Variants in SPTLC3 observed in about 807,000 individuals in gnomAD.
The protein encoded by SPTLC3 is serine palmitoyltransferase long chain base subunit 3.
SPTLC3 carries 36 observed loss-of-function variants against 59.3 expected under a neutral mutation model. That is an observed-to-expected ratio of 0.61 (90% CI 0.47 to 0.80). The LOEUF (loss-of-function observed/expected upper bound fraction) is 0.80. Ranked by LOEUF, SPTLC3 falls within the 30% of genes least tolerant of loss-of-function variation. The probability of loss-of-function intolerance (pLI) is 0.00; values close to 1 mark genes in which losing one functional copy is unlikely to be tolerated. For missense variants in SPTLC3, 625 were observed against 685.1 expected (o/e 0.91, Z 0.98); for synonymous variants, 257 against 240.8 (o/e 1.07, Z -0.62).
intron 9 of SPTLC3, chr20:13,133,033 T>A (rs1568619731): frequency 6.6e-6 from 1 of 152,462 alleles, no homozygotes; most frequent in Non-Finnish European, 1.5e-5. Context: ...TTAAACTTGA[T>A]CTCTCTGCAT....
chr20:13,034,470 T>C (rs1332847705), intron 1 of SPTLC3, among the ~76,000 whole-genome samples: 2 of 152,198 alleles, frequency 1.3e-5, no homozygotes, highest in Non-Finnish European at 2.9e-5. Flanking sequence ...TGGCCATCTC[T>C]AGGGAGCAGA....
chr20:13,017,208 A>G (rs554476298), intron 1 of SPTLC3, among the ~76,000 whole-genome samples: 1 of 152,336 alleles, frequency 6.6e-6, no homozygotes, highest in African/African-American at 2.4e-5. Context: ...TAAAAATTTT[A>G]GCTTATCACA....
Position 13,072,404 on chromosome 20 carries a change from C to A in SPTLC3, c.452C>A (p.Thr151Lys). ...MERVSDDYNW[T>K]FRFTGRVIKD... is the part of the protein sequence containing the mutation. ...AGGGTATCAGACGACTATAACTGGACGTTTAGGTGAGAGAACTTCTTGGAG... is the reference window on the plus strand; with the variant it reads ...AGGGTATCAGACGACTATAACTGGAAGTTTAGGTGAGAGAACTTCTTGGAG... Residue 151 changes from threonine to lysine, a missense_variant, in exon 3 of 12, where the codon ACG (threonine) becomes AAG (lysine). Transcript: ENST00000399002. 1 of 1,582,080 alleles carries A rather than the reference C, an allele frequency of 6.3e-7. No individual in the cohort carries two copies. The highest frequency in any genetic ancestry group is 1.2e-5 in the South Asian group (1 of 85,446).
chr20:13,064,040 CT>C (rs201810253), intron 2 of SPTLC3, among the ~76,000 whole-genome samples: 7 of 134,090 alleles, frequency 5.2e-5, no homozygotes, highest in Admixed American at 7.5e-5. Context: ...TCTTTTTCTT[CT>C]TTTTTTTTGA....
At chr20:13,045,097 A>G (rs547034440) in intron 1 of SPTLC3, among the ~76,000 whole-genome samples, 161 of 152,030 alleles carry the variant, frequency 1.1e-3, no homozygotes, top group African/African-American at 3.5e-3. Flanking sequence ...TATCTCCTCT[A>G]ATGTTAGCCT....
At chr20:13,098,728 G>T (rs1043428222) in intron 6 of SPTLC3, among the ~76,000 whole-genome samples, 1 of 152,170 alleles carries the variant, frequency 6.6e-6, no homozygotes, top group African/African-American at 2.4e-5. Context: ...AGATGCTGAG[G>T]TAATGGCCTT....
At chr20:13,044,434 G>A (rs1180170769) in intron 1 of SPTLC3, among the ~76,000 whole-genome samples, 2 of 152,058 alleles carry the variant, frequency 1.3e-5, no homozygotes, top group Non-Finnish European at 2.9e-5. Context: ...TATATCCTAG[G>A]TCAATGTATA....
intron 2 of SPTLC3, among the ~76,000 whole-genome samples, chr20:13,068,761 A>AC (rs1555790942): frequency 5.0e-4 from 76 of 151,202 alleles, no homozygotes; most frequent in African/African-American, 1.1e-3. Context: ...AAAAAAAAAA[A>AC]AACAACAACA....
At chr20:13,066,764 C>T (rs1325739305) in intron 2 of SPTLC3, among the ~76,000 whole-genome samples, 1 of 151,862 alleles carries the variant, frequency 6.6e-6, no homozygotes, top group Non-Finnish European at 1.5e-5. Context: ...ACTTTGCCTT[C>T]TTTCCCTCCT....
chr20:13,101,884 G>A (rs533713881), intron 6 of SPTLC3, among the ~76,000 whole-genome samples: 12 of 152,268 alleles, frequency 7.9e-5, no homozygotes, highest in Middle Eastern at 3.4e-3. Flanking sequence ...CAGCGAGACT[G>A]CAGGCAACCT....
chr20:13,009,031 G>A lies in SPTLC3; in HGVS notation c.-237G>A. 2.4e-6 allele frequency: 1 copy of A among 411,282 alleles called. No individual in the cohort carries two copies. The highest frequency in any genetic ancestry group is 4.4e-6 in the Non-Finnish European group (1 of 228,150). The allele number at this position is 411,282 out of a possible 1,614,324, so 25.5% of individuals were successfully genotyped here. On this transcript the variant is annotated 5_prime_UTR_variant, in exon 1 of 12. Transcript: ENST00000399002. ...TTACAGTTTCGGAAGCAGGTTTGTT[G>A]CCATGGAGTTCACATTTTGACGGGA...
intron 9 of SPTLC3, among the ~76,000 whole-genome samples, chr20:13,128,067 A>C (rs991849320): frequency 6.6e-6 from 1 of 152,262 alleles, no homozygotes; most frequent in Non-Finnish European, 1.5e-5. Flanking sequence ...TGAAGTGAGA[A>C]AAACAATATT....
chr20:13,009,451 A>T (rs1600196839), intron 1 of SPTLC3, 67 bp downstream of exon 1: 1 of 1,398,798 alleles, frequency 7.1e-7, no homozygotes, highest in Non-Finnish European at 1.0e-6. Context: ...CTGTGAAGAT[A>T]TTTGAGGCTG....
At chr20:13,045,243 T>G (rs7272520) in intron 1 of SPTLC3, among the ~76,000 whole-genome samples, 18,908 of 152,088 alleles carry the variant, frequency 0.12, 1,252 homozygotes, top group Middle Eastern at 0.21. Context: ...GGATGTCACA[T>G]CATCCCAAAC....
intron 9 of SPTLC3, among the ~76,000 whole-genome samples, chr20:13,136,263 G>A (rs2038240658): frequency 6.6e-6 from 1 of 152,094 alleles, no homozygotes; most frequent in Non-Finnish European, 1.5e-5. Context: ...AATGACTTGT[G>A]TTCTTCCTGG....
intron 6 of SPTLC3, among the ~76,000 whole-genome samples, chr20:13,102,740 G>C (rs994348495): frequency 6.6e-6 from 1 of 152,142 alleles, no homozygotes; most frequent in African/African-American, 2.4e-5. Context: ...CCCTCATTTA[G>C]AGATCCCATC....
At chr20:13,054,632 G>T (rs1294094073) in intron 2 of SPTLC3, among the ~76,000 whole-genome samples, 1 of 152,190 alleles carries the variant, frequency 6.6e-6, no homozygotes, top group Non-Finnish European at 1.5e-5. Context: ...GTAGCAGAAG[G>T]TGGTGTCATT....
chr20:13,027,643 A>G (rs1461377959), intron 1 of SPTLC3, among the ~76,000 whole-genome samples: 670 of 5,420 alleles, frequency 0.12, 6 homozygotes, highest in Admixed American at 0.35. Flanking sequence ...TTCAGCACGC[A>G]CACACACACA....
intron 9 of SPTLC3, among the ~76,000 whole-genome samples, chr20:13,146,829 G>A (rs548089852): frequency 6.6e-6 from 1 of 152,262 alleles, no homozygotes; most frequent in African/African-American, 2.4e-5. Flanking sequence ...GCCTCATCAT[G>A]AGCGAGTTTA....
Sources: gnomAD v4.1 joint callset for allele counts (sites outside exome capture counted in the v4.1 genomes callset) on GRCh38, gnomAD v4.1.1 for gene constraint, MANE v1.5 for transcripts, NCBI Gene and HGNC (gene_info 2026-07-23, HGNC 2026-07-21) for gene names.